The following FAM217A variants were observed in gnomAD, a reference collection of about 807,000 sequenced individuals.
FAM217A encodes the protein family with sequence similarity 217 member A.
FAM217A carries 13 observed loss-of-function variants against 18.5 expected under a neutral mutation model. That is an observed-to-expected ratio of 0.70 (90% confidence interval 0.46 to 1.12). FAM217A has a LOEUF of 1.12. Ranked by LOEUF, FAM217A falls within the 50% of genes most tolerant of loss-of-function variation. The probability of loss-of-function intolerance (pLI) is 0.00; values close to 1 mark genes in which losing one functional copy is unlikely to be tolerated. For missense variants in FAM217A, 560 were observed against 575.4 expected, an observed-to-expected ratio of 0.97 and a Z score of 0.27; for synonymous variants, 161 against 202.8, an observed-to-expected ratio of 0.79 and a Z score of 1.75.
chr6:4,079,274 C>T (rs1299977399), upstream of FAM217A: 1 of 162,434 alleles, frequency 6.2e-6, no homozygotes, highest in African/African-American at 2.4e-5. Flanking sequence ...GTCACCCGGC[C>T]GCCGGGCCCG....
In FAM217A at chr6:4,073,415, T is replaced by C; in HGVS notation, c.234+18A>G. The C allele has an allele frequency of 1.2e-6, 2 of 1,607,022 alleles. No homozygotes were observed. Among genetic ancestry groups the C allele is most frequent in the Admixed American group, 1.7e-5 (1 of 59,522 alleles). The stretch of plus-strand genomic sequence containing the variant: ...TTTAAAATATAATATTTTAAGGGTA[T>C]GAAGAATAAAATCCCACCTGTGTAC... On this transcript the variant is annotated intron_variant, in intron 5 of 6. Coordinates refer to ENST00000274673, the MANE Select transcript of FAM217A (RefSeq NM_173563.3).
At chr6:4,073,142 C>T (rs2113863714) in intron 6 of FAM217A, 133 bp downstream of exon 6, 2 of 670,746 alleles carry the variant, frequency 3.0e-6, no homozygotes, top group Non-Finnish European at 4.8e-6. Flanking sequence ...TGGACTTCTA[C>T]AATTGCCCAC....
rs561921594 is a variant in FAM217A at position 4,074,448 on chromosome 6, TA to T, written c.153del (p.Asn52ThrfsTer12). The T allele has an allele frequency of 2.8e-4, 445 of 1,578,900 alleles. 2 individuals are homozygous for T. In the African/African-American group the frequency reaches 5.4e-3, roughly 19 times the overall value. On this transcript the variant is annotated frameshift_variant, in exon 4 of 7. Transcript: ENST00000274673. LOFTEE classifies it high-confidence loss of function. Reference sequence around the variant, plus strand: ...AACCAAACATTCATCCTTACCTTGTTAATTTTGCCTGAAATGTGTATAAAAA... The same window carrying T: ...AACCAAACATTCATCCTTACCTTGTTATTTTGCCTGAAATGTGTATAAAAA... ...AGRDGAAGGK[I>X]NKNYLEIPVE...
In FAM217A at chr6:4,078,880, CG is replaced by C; in HGVS notation, c.-64del. On this transcript the variant is annotated 5_prime_UTR_variant, in exon 1 of 7. Transcript: ENST00000274673. Reference sequence around the variant, plus strand: ...GCGAAGGCCCACGTGTCCTCCCCGGCGTGCTCTCCCGGTGCGCCGCCCCGAG... The same window carrying C: ...GCGAAGGCCCACGTGTCCTCCCCGGCTGCTCTCCCGGTGCGCCGCCCCGAG... 1.8e-6 allele frequency: 1 copy of C among 556,864 alleles called. No homozygotes were observed. Among genetic ancestry groups the C allele is most frequent in the East Asian group, 3.4e-5 (1 of 29,028 alleles). The allele number at this position is 556,864 out of a possible 1,614,324, so 34.5% of individuals were successfully genotyped here.
Position 4,069,552 on chromosome 6 carries a change from A to G in FAM217A, c.671T>C (p.Leu224Pro). Reference protein sequence around the residue: ...TLLSYFKKVDLNLKPETIKNV... With the variant: ...TLLSYFKKVDPNLKPETIKNV... ...TTTTATTGTTTCTGGCTTCAAGTTC[A>G]GGTCCACCTTTTTAAAATAGCTGAG... Residue 224 changes from leucine (L) to proline (P), a missense_variant, in exon 7 of 7, where the codon CTG (leucine) becomes CCG (proline). Leu to Pro is a moderately conservative substitution (Grantham distance 98). Transcript: ENST00000274673. 1 of 1,614,060 alleles carries G rather than the reference A, an allele frequency of 6.2e-7. No individual in the cohort carries two copies. Among genetic ancestry groups the G allele is most frequent in the Non-Finnish European group, 8.5e-7 (1 of 1,179,996 alleles).
rs771186708 is a variant in FAM217A, at chr6:4,069,022, TATCATAAGTTTCA to T, written c.1188_1200del (p.Glu397ArgfsTer8). 6.2e-7 allele frequency: 1 copy of T among 1,613,736 alleles called. No individual in the cohort carries two copies. Among genetic ancestry groups the T allele is most frequent in the Non-Finnish European group, 8.5e-7 (1 of 1,179,968 alleles). The stretch of plus-strand genomic sequence containing the variant: ...CTTAAAATAGAACTTTTGGGATTCT[TATCATAAGTTTCA>T]ATCAATTGTTTTGGGGTGGAAGAAC... On this transcript the variant is annotated frameshift_variant, in exon 7 of 7. Coordinates refer to ENST00000274673, the MANE Select transcript of FAM217A (RefSeq NM_173563.3). LOFTEE classifies it low-confidence loss of function (END_TRUNC).
chr6:4,082,506 C>T (rs1306789622), upstream of FAM217A, among the ~76,000 whole-genome samples: 3 of 152,160 alleles, frequency 2.0e-5, no homozygotes. Flanking sequence ...AGCCATAAAA[C>T]CTAAAAATAT....
In FAM217A at chr6:4,078,894, G is replaced by T; in HGVS notation, c.-77C>A. ...GTCCTCCCCGGCGTGCTCTCCCGGT[G>T]CGCCGCCCCGAGGCCCGAGCGCCTC... On this transcript the variant is annotated 5_prime_UTR_variant, in exon 1 of 7. Transcript: ENST00000274673. The T allele has an allele frequency of 1.7e-6, 1 of 581,896 alleles. No individual in the cohort carries two copies. Among genetic ancestry groups the T allele is most frequent in the Non-Finnish European group, 3.1e-6 (1 of 323,928 alleles). The allele number at this position is 581,896 out of a possible 1,614,324, so 36.0% of individuals were successfully genotyped here. A position where few individuals can be genotyped will look rare whatever the true frequency, so the allele number is the denominator to read the frequency against.
chr6:4,087,073 G>T, upstream of FAM217A: 1 of 399,484 alleles, frequency 2.5e-6, no homozygotes, highest in South Asian at 1.3e-4. Context: ...TTCTGCTGAG[G>T]ACTGCACTGA....
intron 1 of FAM217A, chr6:4,086,987 G>A (rs1367566455): frequency 5.0e-6 from 2 of 398,914 alleles, no homozygotes; most frequent in Non-Finnish European, 8.8e-6. Context: ...AGAACATAAG[G>A]AGTAACTAGT....
intron 4 of FAM217A, among the ~76,000 whole-genome samples, chr6:4,073,828 G>T (rs1020062419): frequency 2.6e-5 from 4 of 152,092 alleles, no homozygotes; most frequent in Non-Finnish European, 4.4e-5. Flanking sequence ...ACAAGATATT[G>T]GTCATTTCAA....
At chr6:4,085,311 A>AAAATATATAT (rs377046907) in intron 1 of FAM217A, among the ~76,000 whole-genome samples, 115 of 146,436 alleles carry the variant, frequency 7.9e-4, no homozygotes, top group Admixed American at 4.8e-3. Flanking sequence ...TGTAAAAAAA[A>AAAATATATAT]ATATATATAT....
intron 4 of FAM217A, among the ~76,000 whole-genome samples, chr6:4,073,708 TTAAC>T (rs1302863820): frequency 1.3e-5 from 2 of 152,236 alleles, no homozygotes; most frequent in African/African-American, 2.4e-5. Context: ...AACTAAACTG[TTAAC>T]TAATAAGACT....
chr6:4,069,467 G>C lies in FAM217A; in HGVS notation c.756C>G (p.Leu252=), dbSNP rs773446842. The change falls in exon 7 of 7, where the codon CTC becomes CTG. Residue 252 remains leucine (L), a synonymous_variant. Transcript: ENST00000274673. Reference sequence around the variant, plus strand: ...AGTCTAGAGCACTGAAAGGAGGAGGGAGAAAATCAGGATATGGAAATACTT... The same window carrying C: ...AGTCTAGAGCACTGAAAGGAGGAGGCAGAAAATCAGGATATGGAAATACTT... ...PNEVFPYPDF[L]PPPFSALDLH... 10 of 1,614,154 alleles carry C rather than the reference G, an allele frequency of 6.2e-6. No homozygotes were observed. Among genetic ancestry groups the C allele is most frequent in the Non-Finnish European group, 8.5e-6 (10 of 1,180,018 alleles).
chr6:4,087,241 C>CA, upstream of FAM217A: 1 of 1,108,436 alleles, frequency 9.0e-7, no homozygotes, highest in Non-Finnish European at 1.1e-6. Flanking sequence ...CAGTTTTCCC[C>CA]AGAAATGGTC....
At chr6:4,085,214 C>T (rs954814849) in intron 1 of FAM217A, among the ~76,000 whole-genome samples, 4 of 151,794 alleles carry the variant, frequency 2.6e-5, no homozygotes, top group Admixed American at 6.6e-5. Context: ...TCATTCATGA[C>T]GGGTCTTTCC....
chr6:4,078,635 C>T (rs1770032076), intron 1 of FAM217A, among the ~76,000 whole-genome samples: 1 of 152,190 alleles, frequency 6.6e-6, no homozygotes, highest in Non-Finnish European at 1.5e-5. Flanking sequence ...GAAGGACGGC[C>T]CTGGGGACAA....
At chr6:4,083,757 T>C (rs1770462905), upstream of FAM217A, among the ~76,000 whole-genome samples, 1 of 152,156 alleles carries the variant, frequency 6.6e-6, no homozygotes, top group African/African-American at 2.4e-5. Context: ...TTTCACCATA[T>C]TGGTCAGGCT....
intron 4 of FAM217A, among the ~76,000 whole-genome samples, chr6:4,073,867 G>C (rs1769586105): frequency 6.6e-6 from 1 of 152,138 alleles, no homozygotes; most frequent in African/African-American, 2.4e-5. Context: ...TTGTTGTTGA[G>C]ACAGGGTCTC....
Sources: gnomAD v4.1 joint callset for allele counts (sites outside exome capture counted in the v4.1 genomes callset) on GRCh38, gnomAD v4.1.1 for gene constraint, MANE v1.5 for transcripts, NCBI Gene and HGNC (gene_info 2026-07-23, HGNC 2026-07-21) for gene names.